LIMCH1: variants seen among roughly 807,000 people sequenced by gnomAD.
The protein encoded by LIMCH1 is LIM and calponin homology domains-containing protein 1.
In LIMCH1, 113 loss-of-function variants were observed where a neutral mutation model predicts 176.5. The observed-to-expected ratio is 0.64, with a 90% confidence interval of 0.55 to 0.75. The LOEUF is 0.75. LIMCH1 is among the 30% of genes least tolerant of loss of function. The probability of loss-of-function intolerance (pLI) is 0.00; values close to 1 mark genes in which losing one functional copy is unlikely to be tolerated. For synonymous variants in LIMCH1, 619 were observed against 645.9 expected (o/e 0.96, Z 0.63); for missense variants, 1,674 against 1,814.9 (o/e 0.92, Z 1.41).
intron 1 of LIMCH1, among the ~76,000 whole-genome samples, chr4:41,392,168 A>G (rs1268188226): frequency 1.3e-5 from 2 of 152,232 alleles, no homozygotes; most frequent in Admixed American, 6.5e-5. Flanking sequence ...CTGGTAATAC[A>G]GCAGTGAGAA....
Position 41,646,599 on chromosome 4 carries a change from C to T in LIMCH1, c.2526C>T (p.Leu842=), listed in dbSNP as rs370131391. 111 of 1,614,154 alleles carry T rather than the reference C, an allele frequency of 6.9e-5. No individual in the cohort carries two copies. The highest frequency in any genetic ancestry group is 9.9e-5 in the South Asian group (9 of 91,072). Residue 842 remains leucine, a synonymous_variant, in exon 17 of 32, where the codon CTC becomes CTT. Coordinates refer to ENST00000503057, the MANE Select transcript of LIMCH1 (RefSeq NM_001330672.2). Reference sequence around the variant, plus strand: ...GGTTCACCATCAGTGAGGCTGTTCTCGAACGCTTGGAGATGCCAAAAATTC... The same window carrying T: ...GGTTCACCATCAGTGAGGCTGTTCTTGAACGCTTGGAGATGCCAAAAATTC... ...IERFTISEAV[L]ERLEMPKILE...
chr4:41,373,197 A>G (rs759756219), intron 1 of LIMCH1, among the ~76,000 whole-genome samples: 5 of 152,228 alleles, frequency 3.3e-5, no homozygotes, highest in Admixed American at 6.5e-5. Flanking sequence ...AGGAAGTGCT[A>G]TGTAAGCTGA....
chr4:41,528,045 G>A (rs897960769), intron 3 of LIMCH1, among the ~76,000 whole-genome samples: 6 of 152,078 alleles, frequency 3.9e-5, no homozygotes, highest in Admixed American at 1.3e-4. Context: ...TCCTGTATGC[G>A]ATAGCTATCT....
intron 1 of LIMCH1, among the ~76,000 whole-genome samples, chr4:41,420,183 G>A (rs1452853925): frequency 6.6e-6 from 1 of 152,154 alleles, no homozygotes; most frequent in Non-Finnish European, 1.5e-5. Context: ...CATTTTCCGT[G>A]TGTCAGTGGT....
At position 41,661,501 on chromosome 4, in the gene LIMCH1, G is replaced by T. The variant is rs57547885; in HGVS notation, c.3118G>T (p.Ala1040Ser). The T allele has an allele frequency of 1.8e-5, 29 of 1,605,952 alleles. No homozygotes were observed. Among genetic ancestry groups the T allele is most frequent in the Non-Finnish European group, 2.4e-5 (28 of 1,173,510 alleles). Residue 1040 changes from alanine to serine, a missense_variant, in exon 19 of 32, where the codon GCC becomes TCC. By Grantham distance (99) the Ala-to-Ser change is moderately conservative. This residue lies in a region of LIMCH1 where 1,015 missense variants were observed against 1,102.5 expected (regional missense o/e 0.92). Transcript: ENST00000503057. ...GKSRKGNIEL[A>S]SSEPQHFTTT... ...ATCAAGAAAAGGGAATATAGAACTT[G>T]CCTCATCAGGTTTGTTTCATAAGAG...
intron 3 of LIMCH1, among the ~76,000 whole-genome samples, chr4:41,529,343 C>T (rs1449518514): frequency 6.6e-6 from 1 of 152,158 alleles, no homozygotes; most frequent in Non-Finnish European, 1.5e-5. Context: ...GTCGTGTGTG[C>T]ACATATGCAC....
intron 23 of LIMCH1, 149 bp from the exon 24 acceptor site, chr4:41,679,857 C>G: frequency 1.8e-6 from 1 of 568,532 alleles, no homozygotes; most frequent in Non-Finnish European, 3.2e-6. Flanking sequence ...AACCATATTC[C>G]CTTTTTATTG....
At chr4:41,572,357 G>A (rs761967746) in intron 1 of LIMCH1, among the ~76,000 whole-genome samples, 2 of 151,896 alleles carry the variant, frequency 1.3e-5, no homozygotes, top group Non-Finnish European at 2.9e-5. Flanking sequence ...AATTACCATT[G>A]GATTTGGTTT....
chr4:41,635,416 C>T (rs1057004788), intron 13 of LIMCH1, among the ~76,000 whole-genome samples: 1 of 152,024 alleles, frequency 6.6e-6, no homozygotes, highest in Non-Finnish European at 1.5e-5. Flanking sequence ...TTAGTAGAGA[C>T]GGGGTTTCGC....
Position 41,633,642 on chromosome 4 carries a change from G to C in LIMCH1, c.1924G>C (p.Gly642Arg). 1 of 1,536,168 alleles carries C rather than the reference G, an allele frequency of 6.5e-7. No individual in the cohort carries two copies. Among genetic ancestry groups the C allele is most frequent in the African/African-American group, 1.4e-5 (1 of 73,178 alleles). ...TGCCTGGAGTGGCAGTGGACTGAAA[G>C]GCCAGCGAAAGTTGGATGATTCACG... Reference protein sequence around the residue: ...APAWSGSGLKGQRKLDDSRKD... With the variant: ...APAWSGSGLKRQRKLDDSRKD... Residue 642 changes from glycine to arginine, a missense_variant, in exon 13 of 32, where the codon GGC becomes CGC. By Grantham distance (125) the Gly-to-Arg change is moderately radical (BLOSUM62 -2). Transcript: ENST00000503057.
chr4:41,482,388 C>G (rs771259521), intron 1 of LIMCH1, among the ~76,000 whole-genome samples: 1 of 152,014 alleles, frequency 6.6e-6, no homozygotes, highest in Admixed American at 6.5e-5. Context: ...GCAATTACAG[C>G]TAGGAAGAGA....
At chr4:41,402,271 A>G (rs1283011396) in intron 1 of LIMCH1, among the ~76,000 whole-genome samples, 1 of 152,032 alleles carries the variant, frequency 6.6e-6, no homozygotes, top group African/African-American at 2.4e-5. Flanking sequence ...CAAAACCACA[A>G]TGAGATACCA....
At chr4:41,592,058 A>G (rs7698712) in intron 1 of LIMCH1, among the ~76,000 whole-genome samples, 52,218 of 152,220 alleles carry the variant, frequency 0.34, 14,147 homozygotes, top group African/African-American at 0.76. Context: ...GCCTGGATGA[A>G]GCCCCCTCCT....
At chr4:41,490,842 G>A (rs1010483580) in intron 1 of LIMCH1, among the ~76,000 whole-genome samples, 2 of 151,826 alleles carry the variant, frequency 1.3e-5, no homozygotes, top group African/African-American at 2.4e-5. Context: ...TGGCAGAGGC[G>A]CTCCTCACTT....
chr4:41,632,254 C>G (rs1440268217), intron 10 of LIMCH1, among the ~76,000 whole-genome samples: 1 of 152,182 alleles, frequency 6.6e-6, no homozygotes, highest in Non-Finnish European at 1.5e-5. Flanking sequence ...AAGTGAGGCT[C>G]TCCGTAGCAG....
At chr4:41,411,472 T>C (rs967511643) in intron 1 of LIMCH1, among the ~76,000 whole-genome samples, 3 of 152,184 alleles carry the variant, frequency 2.0e-5, no homozygotes, top group South Asian at 2.1e-4. Context: ...GCCTCCTGAG[T>C]AGCTGGGACT....
intron 13 of LIMCH1, among the ~76,000 whole-genome samples, chr4:41,635,286 T>G (rs1295039599): frequency 6.6e-6 from 1 of 151,242 alleles, no homozygotes; most frequent in Admixed American, 6.6e-5. Context: ...CAGACTGGAG[T>G]GCAGGGCCCG....
At chr4:41,573,531 G>A (rs1440090054) in intron 1 of LIMCH1, among the ~76,000 whole-genome samples, 1 of 152,074 alleles carries the variant, frequency 6.6e-6, no homozygotes, top group Non-Finnish European at 1.5e-5. Context: ...GAGGACTTCC[G>A]TATATTGTTA....
At chr4:41,578,675 A>G (rs2084897029) in intron 1 of LIMCH1, among the ~76,000 whole-genome samples, 1 of 151,790 alleles carries the variant, frequency 6.6e-6, no homozygotes, top group Non-Finnish European at 1.5e-5. Context: ...TTTATTGACC[A>G]TTAGTATTTC....
Sources: gnomAD v4.1 joint callset for allele counts (sites outside exome capture counted in the v4.1 genomes callset) on GRCh38, gnomAD v4.1.1 for gene constraint, gnomAD v4.1.1 regional missense constraint, MANE v1.5 for transcripts, NCBI Gene and HGNC (gene_info 2026-07-23, HGNC 2026-07-21) for gene names.